ZNF695: variants seen among roughly 807,000 people sequenced by gnomAD.
The protein encoded by ZNF695 is zinc finger protein SBZF3.
ZNF695 carries 11 observed loss-of-function variants against 11.2 expected under a neutral mutation model. The ratio of observed to expected loss-of-function variants is 0.98; its 90% CI spans 0.62 to 1.62. The LOEUF is 1.62. Ranked by LOEUF, ZNF695 falls within the 40% of genes most tolerant of loss-of-function variation. The pLI is 0.00. For synonymous variants in ZNF695, 190 were observed against 201.4 expected (o/e 0.94, Z 0.48); for missense variants, 559 against 590.5 (o/e 0.95, Z 0.55).
At position 246,999,441 on chromosome 1, in the gene ZNF695, C is replaced by T. The variant is rs2103031230; in HGVS notation, c.167-1G>A. On this transcript the variant is annotated splice_acceptor_variant, in intron 2 of 3. Transcript: ENST00000339986. LOFTEE classifies it high-confidence loss of function. ...AGTTCTGGCTTAGACATAGCAAGAC[C>T]TGTTTTATTAGAAAAAAGGTGCATG... 1.2e-6 allele frequency: 2 copies of T among 1,612,774 alleles called. No individual in the cohort carries two copies. Among genetic ancestry groups the T allele is most frequent in the Non-Finnish European group, 1.7e-6 (2 of 1,179,164 alleles).
At chr1:246,978,421 A>T (rs1461282881) in intron 4 of ZNF695, among the ~76,000 whole-genome samples, 1 of 152,242 alleles carries the variant, frequency 6.6e-6, no homozygotes, top group African/African-American at 2.4e-5. Flanking sequence ...AAGGTTTTAC[A>T]TTTTGATAAA....
intron 5 of ZNF695, among the ~76,000 whole-genome samples, chr1:246,958,172 C>T (rs1373376230): frequency 6.6e-6 from 1 of 151,854 alleles, no homozygotes; most frequent in Non-Finnish European, 1.5e-5. Flanking sequence ...CATTCTCCTG[C>T]CTCAGCCTCC....
intron 5 of ZNF695, among the ~76,000 whole-genome samples, chr1:246,955,154 G>A (rs1012473230): frequency 6.6e-5 from 10 of 152,118 alleles, no homozygotes; most frequent in African/African-American, 2.2e-4. Context: ...CTTCCACCAC[G>A]ATTGTGAGGC....
chr1:246,981,178 G>A (rs943375268), downstream of ZNF695, among the ~76,000 whole-genome samples: 4 of 152,172 alleles, frequency 2.6e-5, no homozygotes, highest in African/African-American at 9.7e-5. Flanking sequence ...ACTGCTATGA[G>A]GTATCACCTC....
chr1:246,993,370 G>C (rs1203754513), intron 3 of ZNF695, among the ~76,000 whole-genome samples: 5 of 152,018 alleles, frequency 3.3e-5, no homozygotes, highest in African/African-American at 1.2e-4. Flanking sequence ...TTGCAGCACT[G>C]AACTCCAGCC....
intron 1 of ZNF695, among the ~76,000 whole-genome samples, chr1:247,000,793 C>T (rs561615971): frequency 1.3e-5 from 2 of 152,264 alleles, no homozygotes; most frequent in African/African-American, 4.8e-5. Flanking sequence ...AATGCAGGCA[C>T]GGGCCGGGTG....
At chr1:246,970,403 G>A (rs1314989733) in intron 4 of ZNF695, among the ~76,000 whole-genome samples, 2 of 152,146 alleles carry the variant, frequency 1.3e-5, no homozygotes, top group Non-Finnish European at 2.9e-5. Flanking sequence ...AATCCAAACA[G>A]AGCCCAAGAG....
At position 246,987,854 on chromosome 1, in the gene ZNF695, A is replaced by T. The variant is rs1217063992; in HGVS notation, c.661T>A (p.Phe221Ile). 4 of 1,610,200 alleles carry T rather than the reference A, an allele frequency of 2.5e-6. No individual in the cohort carries two copies. The highest frequency in any genetic ancestry group is 3.4e-5 in the Admixed American group (2 of 58,962). Residue 221 changes from phenylalanine to isoleucine, a missense_variant, in exon 4 of 4, where the codon TTT (phenylalanine) becomes ATT (isoleucine). Physicochemically the swap from Phe to Ile is conservative, Grantham distance 21 (BLOSUM62 0). Transcript: ENST00000339986. ...TCAGTAAAGCATGAGCACTCATTAA[A>T]GGCTTTGCCACATTTTTTACATTGG... is the stretch of plus-strand genomic sequence containing the variant. ...PYQCKKCGKAFNECSCFTDCK... is the reference protein window; with the variant it reads ...PYQCKKCGKAINECSCFTDCK...
chr1:246,972,320 C>T lies in ZNF695; in HGVS notation c.391-4528G>A, dbSNP rs544888826. Among the ~76,000 whole-genome samples the T allele has an allele frequency of 5.9e-5, 9 of 152,336 alleles. No homozygotes were observed. In the South Asian group the frequency reaches 1.9e-3, roughly 32 times the overall value. On this transcript the variant is annotated intron_variant, in intron 4 of 5. Transcript: ENST00000487338. ...CCAAACCGGTGGCTGTCCCCTCCCACAGCAACCCCCCAAGTGGTTGCCCTG... is the reference window on the plus strand; with the variant it reads ...CCAAACCGGTGGCTGTCCCCTCCCATAGCAACCCCCCAAGTGGTTGCCCTG...
intron 4 of ZNF695, among the ~76,000 whole-genome samples, chr1:246,973,992 T>A (rs2103014145): frequency 1.3e-5 from 2 of 152,320 alleles, no homozygotes; most frequent in South Asian, 4.1e-4. Flanking sequence ...TCCTTCTTCC[T>A]GGAGATAATC....
At chr1:246,954,045 G>A (rs1667933585) in intron 5 of ZNF695, among the ~76,000 whole-genome samples, 1 of 151,870 alleles carries the variant, frequency 6.6e-6, no homozygotes, top group South Asian at 2.1e-4. Context: ...TGCCCTAGAG[G>A]ATAGCCATTC....
rs919932763 is a variant in ZNF695, at chr1:246,972,941, A to G, written c.391-5149T>C. 2.8e-3 allele frequency among the ~76,000 whole-genome samples: 417 copies of G among 149,076 alleles called. 5 individuals are homozygous for G. Among genetic ancestry groups the G allele is most frequent in the African/African-American group, 9.4e-3 (386 of 41,058 alleles). ...TTATATTTTTAATGTGTATATATAT[A>G]TATATATATACTATATAAATTCTTA... On this transcript the variant is annotated intron_variant, in intron 4 of 5. Transcript: ENST00000487338.
At chr1:247,006,752 G>A (rs1294840083) in intron 1 of ZNF695, among the ~76,000 whole-genome samples, 1 of 152,248 alleles carries the variant, frequency 6.6e-6, no homozygotes, top group Non-Finnish European at 1.5e-5. Context: ...TTAGGCTGGG[G>A]GAACAGAGTC....
chr1:246,962,283 G>A (rs1411334093), intron 5 of ZNF695, among the ~76,000 whole-genome samples: 6 of 152,200 alleles, frequency 3.9e-5, no homozygotes, highest in Admixed American at 6.5e-5. Context: ...TCAGCACTGG[G>A]CCCTCATGGC....
intron 1 of ZNF695, among the ~76,000 whole-genome samples, chr1:247,004,366 A>G (rs1669477720): frequency 6.6e-6 from 1 of 152,216 alleles, no homozygotes; most frequent in African/African-American, 2.4e-5. Flanking sequence ...ACTGATGCCG[A>G]AAAAGAATTT....
intron 3 of ZNF695, among the ~76,000 whole-genome samples, chr1:246,997,081 G>A (rs570012756): frequency 2.6e-5 from 4 of 151,966 alleles, no homozygotes; most frequent in African/African-American, 9.7e-5. Context: ...AGTAAAAACT[G>A]TTCATGTGTG....
At chr1:246,948,066 G>C (rs1667783721) in intron 5 of ZNF695, among the ~76,000 whole-genome samples, 1 of 151,932 alleles carries the variant, frequency 6.6e-6, no homozygotes, top group South Asian at 2.1e-4. Flanking sequence ...TGACGTCGTT[G>C]ACCTTTTCTT....
At chr1:247,005,525 C>A (rs1481559252) in intron 1 of ZNF695, among the ~76,000 whole-genome samples, 1 of 151,984 alleles carries the variant, frequency 6.6e-6, no homozygotes, top group Non-Finnish European at 1.5e-5. Flanking sequence ...ACCAGCCTGG[C>A]CAACACAGTG....
At chr1:246,984,213 C>A (rs1256966628), downstream of ZNF695, among the ~76,000 whole-genome samples, 9 of 119,630 alleles carry the variant, frequency 7.5e-5, no homozygotes, top group African/African-American at 1.3e-4. Context: ...TTAGAATGTA[C>A]AAAGTACTAT....
Sources: allele counts gnomAD v4.1 joint callset (sites outside exome capture counted in the v4.1 genomes callset), GRCh38; gene constraint gnomAD v4.1.1; transcripts MANE v1.5; gene names NCBI Gene and HGNC (gene_info 2026-07-23, HGNC 2026-07-21).